Variants in STPG4 observed in about 807,000 individuals in gnomAD.
STPG4 encodes protein STPG4.
In STPG4, 41 loss-of-function variants were observed where a neutral mutation model predicts 31.5. The ratio of observed to expected loss-of-function variants is 1.30; its 90% CI spans 1.01 to 1.69. STPG4 has a LOEUF of 1.69. Among genes scored for constraint, STPG4 ranks in the 40% most tolerant of loss-of-function variants. The pLI is 0.00. For missense variants in STPG4, 375 were observed against 293.4 expected, an observed-to-expected ratio of 1.28 and a Z score of -2.03; for synonymous variants, 141 against 103.0, an observed-to-expected ratio of 1.37 and a Z score of -2.24.
chr2:47,107,176 G>T (rs902633326), intron 5 of STPG4, among the ~76,000 whole-genome samples: 1 of 152,064 alleles, frequency 6.6e-6, no homozygotes, highest in Non-Finnish European at 1.5e-5. Context: ...TCCCACTTTG[G>T]CGGCACTTAA....
chr2:47,107,661 G>A (rs2103749385), intron 5 of STPG4, among the ~76,000 whole-genome samples: 1 of 152,316 alleles, frequency 6.6e-6, no homozygotes, highest in South Asian at 2.1e-4. Flanking sequence ...GCTGAGGAGT[G>A]CGGGCACATG....
intron 3 of STPG4, among the ~76,000 whole-genome samples, chr2:47,139,692 C>G (rs1314957233): frequency 6.6e-6 from 1 of 152,032 alleles, no homozygotes; most frequent in Non-Finnish European, 1.5e-5. Context: ...CCATATTTAC[C>G]AAGAGATCAA....
chr2:47,130,334 T>C (rs1686452338), intron 3 of STPG4, 74 bp from the exon 4 acceptor site: 4 of 1,197,894 alleles, frequency 3.3e-6, no homozygotes, highest in African/African-American at 1.5e-5. Context: ...TCATTCGTAA[T>C]CTTTTATTTT....
At chr2:47,114,638 A>G (rs1686108454) in intron 5 of STPG4, among the ~76,000 whole-genome samples, 1 of 152,274 alleles carries the variant, frequency 6.6e-6, no homozygotes, top group South Asian at 2.1e-4. Flanking sequence ...GTTATAACAC[A>G]AATTATCCAA....
In STPG4 at chr2:47,108,428, C is replaced by T. The variant is rs140439879; in HGVS notation, c.520-18054G>A. ...CTTCACTCCTGAGCCAGCGAGACCACGAACCCACGACAAGGAAGAAACTCC... is the reference window on the plus strand; with the variant it reads ...CTTCACTCCTGAGCCAGCGAGACCATGAACCCACGACAAGGAAGAAACTCC... On this transcript the variant is annotated intron_variant, in intron 5 of 6. Transcript: ENST00000445927. 249 of 154,988 alleles carry T rather than the reference C, an allele frequency of 1.6e-3. 1 individual carries two copies. Among genetic ancestry groups the T allele is most frequent in the Non-Finnish European group, 2.9e-3 (201 of 70,196 alleles). 9.6% of individuals were successfully genotyped at this position (154,988 alleles called of 1,614,324 possible).
At chr2:47,104,751 A>G (rs1482325103) in intron 5 of STPG4, among the ~76,000 whole-genome samples, 1 of 152,080 alleles carries the variant, frequency 6.6e-6, no homozygotes, top group African/African-American at 2.4e-5. Context: ...TGGAAGCCTC[A>G]TGCCAGCAGG....
At position 47,090,325 on chromosome 2, in the gene STPG4, C is replaced by CT; in HGVS notation, c.568dup (p.Ser190LysfsTer35). 1 of 1,552,054 alleles carries CT rather than the reference C, an allele frequency of 6.4e-7. No individual in the cohort carries two copies. The highest frequency in any genetic ancestry group is 8.7e-7 in the Non-Finnish European group (1 of 1,147,036). On this transcript the variant is annotated frameshift_variant, in exon 6 of 7. Coordinates refer to ENST00000445927, the MANE Select transcript of STPG4 (RefSeq NM_001163561.2). LOFTEE classifies it high-confidence loss of function. ...GGATTGAAAACAAGAAGTGACAGAG[C>CT]TTGTTGGAGGCATTTTCACATTATA...
chr2:47,136,237 C>A (rs1686592015), intron 3 of STPG4, among the ~76,000 whole-genome samples: 1 of 152,092 alleles, frequency 6.6e-6, no homozygotes, highest in Admixed American at 6.6e-5. Flanking sequence ...CCTCTGCCTC[C>A]CAGGTTCAAG....
chr2:47,121,263 G>C (rs1306201205), intron 5 of STPG4: 1 of 154,050 alleles, frequency 6.5e-6, no homozygotes, highest in Non-Finnish European at 1.5e-5. Flanking sequence ...AGGGAGTTTA[G>C]TTCTGAGGGG....
chr2:47,133,567 A>G (rs1229269213), intron 3 of STPG4, among the ~76,000 whole-genome samples: 1 of 48,744 alleles, frequency 2.1e-5, no homozygotes, highest in African/African-American at 4.5e-5. Context: ...TAGGCACTCA[A>G]ATCTTTTTTT....
chr2:47,093,004 G>T (rs1685602375), intron 5 of STPG4, among the ~76,000 whole-genome samples: 1 of 152,156 alleles, frequency 6.6e-6, no homozygotes, highest in Non-Finnish European at 1.5e-5. Context: ...TATTGGCCAG[G>T]CTGGTCTCGA....
intron 5 of STPG4, among the ~76,000 whole-genome samples, chr2:47,091,749 G>A (rs922011659): frequency 5.3e-5 from 8 of 152,034 alleles, no homozygotes; most frequent in African/African-American, 1.9e-4. Flanking sequence ...TTCACAAAAC[G>A]GAGTTTAAGA....
intron 5 of STPG4, among the ~76,000 whole-genome samples, chr2:47,119,227 C>T (rs191648249): frequency 6.6e-6 from 1 of 152,354 alleles, no homozygotes; most frequent in Non-Finnish European, 1.5e-5. Flanking sequence ...ACATGAATCA[C>T]AGCCCTGGGC....
chr2:47,155,203 G>T lies in STPG4; in HGVS notation c.49C>A (p.Leu17Met), dbSNP rs815804. ...GTGATGAATGATTCTCCACCCACCA[G>T]GTCTTCCCTTATTGAGGTGGAAGCG... ...ATASTSIRED[L>M]VGGESFITAS... Residue 17 changes from leucine to methionine, a missense_variant, in exon 1 of 7, where the codon CTG becomes ATG. Coordinates refer to ENST00000445927, the MANE Select transcript of STPG4 (RefSeq NM_001163561.2). 299,010 of 1,613,422 alleles carry T rather than the reference G, an allele frequency of 0.19. 29,124 individuals carry two copies. The highest frequency in any genetic ancestry group is 0.2 in the Non-Finnish European group (237,116 of 1,179,454).
Position 47,151,851 on chromosome 2 carries a change from C to T in STPG4, c.142-336G>A, listed in dbSNP as rs1686943065. Among the ~76,000 whole-genome samples the T allele has an allele frequency of 7.2e-5, 11 of 152,110 alleles. No homozygotes were observed. In the South Asian group the frequency reaches 2.3e-3, roughly 32 times the overall value. On this transcript the variant is annotated intron_variant, in intron 2 of 6. Coordinates refer to ENST00000445927, the MANE Select transcript of STPG4 (RefSeq NM_001163561.2). ...CGCCTCCCAGGTTCATGCCATTCTC[C>T]TGCCTCAGCCTCCCAAGTAGCTGGG...
intron 5 of STPG4, chr2:47,129,230 G>A (rs1032002331): frequency 1.3e-5 from 2 of 152,590 alleles, no homozygotes; most frequent in African/African-American, 4.8e-5. Flanking sequence ...GAAGCTGCAA[G>A]CTGTGCTGCC....
intron 6 of STPG4, among the ~76,000 whole-genome samples, chr2:47,089,058 A>C (rs13006872): frequency 5.9e-5 from 9 of 151,912 alleles, no homozygotes; most frequent in African/African-American, 1.9e-4. Flanking sequence ...TTCCATGAAA[A>C]TTTTCTATAA....
intron 6 of STPG4, among the ~76,000 whole-genome samples, chr2:47,087,583 A>C (rs1430892821): frequency 6.6e-6 from 1 of 152,198 alleles, no homozygotes; most frequent in Non-Finnish European, 1.5e-5. Context: ...TCGCCTCTCA[A>C]ACTCGGGTTG....
intron 3 of STPG4, among the ~76,000 whole-genome samples, chr2:47,149,082 A>G (rs1686884469): frequency 6.6e-6 from 1 of 152,188 alleles, no homozygotes; most frequent in Non-Finnish European, 1.5e-5. Context: ...TGACTAAACA[A>G]TGTTTATGTT....
Sources: gnomAD v4.1 joint callset for allele counts (sites outside exome capture counted in the v4.1 genomes callset) on GRCh38, gnomAD v4.1.1 for gene constraint, MANE v1.5 for transcripts, NCBI Gene and HGNC (gene_info 2026-07-23, HGNC 2026-07-21) for gene names.